Variants in FZD3 observed in about 807,000 individuals in gnomAD.
FZD3 encodes frizzled-3.
A neutral mutation model predicts 60.7 loss-of-function variants in FZD3; 30 were observed. That is an observed-to-expected ratio of 0.49 (90% CI 0.37 to 0.67). The LOEUF (loss-of-function observed/expected upper bound fraction) is 0.67, where lower values mean the gene tolerates loss of function less well. Among genes scored for constraint, FZD3 ranks in the 30% least tolerant of loss-of-function variants. FZD3 has a pLI of 0.00. For synonymous variants in FZD3, 246 were observed against 275.2 expected, an observed-to-expected ratio of 0.89 and a Z score of 1.05; for missense variants, 605 against 838.7, an observed-to-expected ratio of 0.72 and a Z score of 3.44.
At chr8:28,524,126 A>T (rs572735470) in intron 4 of FZD3, among the ~76,000 whole-genome samples, 1 of 152,298 alleles carries the variant, frequency 6.6e-6, no homozygotes, top group East Asian at 1.9e-4. Context: ...TCATAGCAGC[A>T]CAAAATGGAC....
chr8:28,521,610 C>T (rs1317585840), intron 4 of FZD3, among the ~76,000 whole-genome samples: 1 of 151,978 alleles, frequency 6.6e-6, no homozygotes, highest in East Asian at 1.9e-4. Context: ...ATCTTCTTTC[C>T]CCCCAAGGAG....
Position 28,532,230 on chromosome 8 carries a change from T to C in FZD3, c.1404+4066T>C, listed in dbSNP as rs116603973. Among the ~76,000 whole-genome samples, 519 of 152,310 alleles carry C rather than the reference T, an allele frequency of 3.4e-3. 2 individuals are homozygous for C. Among genetic ancestry groups the C allele is most frequent in the African/African-American group, 0.012 (500 of 41,568 alleles). On this transcript the variant is annotated intron_variant, in intron 5 of 7. Transcript: ENST00000240093. ...TCTTCAAAACTATTTTAGCTATTCT[T>C]GGTACTTTGCTCTTCTGTATGAATT...
At chr8:28,559,373 T>C (rs1741494911) in intron 7 of FZD3, among the ~76,000 whole-genome samples, 1 of 152,234 alleles carries the variant, frequency 6.6e-6, no homozygotes, top group African/African-American at 2.4e-5. Flanking sequence ...TCATTCTTTT[T>C]GTTACTATCT....
At chr8:28,510,092 A>G (rs1804244713) in intron 3 of FZD3, among the ~76,000 whole-genome samples, 1 of 147,450 alleles carries the variant, frequency 6.8e-6, no homozygotes, top group Non-Finnish European at 1.5e-5. Flanking sequence ...GGCTAACACT[A>G]GGTATTTTCT....
rs1345818071 is a variant in FZD3 at position 28,571,039 on chromosome 8, A to G, written c.*8028A>G. 3.3e-5 allele frequency: 5 copies of G among 151,928 alleles called. No individual in the cohort carries two copies. The highest frequency in any genetic ancestry group is 4.8e-5 in the African/African-American group (2 of 41,382). The allele number at this position is 151,928 out of a possible 1,614,324, so 9.4% of individuals were successfully genotyped here. A position where few individuals can be genotyped will look rare whatever the true frequency, so the allele number is the denominator to read the frequency against. ...TTCGATTGCCTACCAAAAAAAAAAA[A>G]AAAAGAAAAGGTTTGTTTTTAGTTC... On this transcript the variant is annotated 3_prime_UTR_variant, in exon 8 of 8. Transcript: ENST00000240093.
intron 3 of FZD3, among the ~76,000 whole-genome samples, chr8:28,514,530 T>C (rs1406288362): frequency 1.3e-5 from 2 of 152,200 alleles, no homozygotes; most frequent in African/African-American, 4.8e-5. Context: ...TGTGCTGCTT[T>C]GTAGTCACCC....
chr8:28,515,109 TAATG>T (rs1804389526), intron 3 of FZD3, among the ~76,000 whole-genome samples: 1 of 152,240 alleles, frequency 6.6e-6, no homozygotes, highest in African/African-American at 2.4e-5. Flanking sequence ...GAGTTCATAA[TAATG>T]GTACTTACCT....
chr8:28,559,485 C>CAT (rs140387684), intron 7 of FZD3, among the ~76,000 whole-genome samples: 36 of 151,196 alleles, frequency 2.4e-4, no homozygotes, highest in South Asian at 6.2e-4. Context: ...CAGTACTAGG[C>CAT]ATATATATAT....
rs1805645177 is a variant in FZD3, at chr8:28,563,109, C to T, written c.*98C>T. On this transcript the variant is annotated 3_prime_UTR_variant, in exon 8 of 8. Coordinates refer to ENST00000240093, the MANE Select transcript of FZD3 (RefSeq NM_017412.4). ...ATAGCTGTAACTCACAGTTAACATG[C>T]TTTCAGTCAAGTACAGATTGTGTCC... 1.3e-6 allele frequency: 1 copy of T among 797,206 alleles called. No homozygotes were observed. The allele number at this position is 797,206 out of a possible 1,614,324, so 49.4% of individuals were successfully genotyped here. A position where few individuals can be genotyped will look rare whatever the true frequency, so the allele number is the denominator to read the frequency against.
intron 5 of FZD3, among the ~76,000 whole-genome samples, chr8:28,530,237 G>A: frequency 6.6e-6 from 1 of 151,940 alleles, no homozygotes; most frequent in East Asian, 1.9e-4. Flanking sequence ...ACTGTAAGCT[G>A]GAGTAGGAGT....
rs184053674 is a variant in FZD3, at chr8:28,568,504, T to C, written c.*5493T>C. The C allele has an allele frequency of 6.6e-6, 1 of 152,232 alleles. No homozygotes were observed. Among genetic ancestry groups the C allele is most frequent in the East Asian group, 1.9e-4 (1 of 5,184 alleles). 9.4% of individuals were successfully genotyped at this position (152,232 alleles called of 1,614,324 possible). On this transcript the variant is annotated 3_prime_UTR_variant, in exon 8 of 8. Coordinates refer to ENST00000240093, the MANE Select transcript of FZD3 (RefSeq NM_017412.4). ...TGCTTCTTTAGTCATCAAATTGATA[T>C]AGGATTACAATTTTCTCTCAGGATC...
At chr8:28,531,237 G>A (rs1424875949) in intron 5 of FZD3, among the ~76,000 whole-genome samples, 2 of 151,738 alleles carry the variant, frequency 1.3e-5, no homozygotes, top group Non-Finnish European at 2.9e-5. Flanking sequence ...AAAATTTGCT[G>A]TTATGCAAGT....
In FZD3 at chr8:28,566,153, C is replaced by T. The variant is rs1368226688; in HGVS notation, c.*3142C>T. ...ACTTGCTTTTACCCTAGTACTGAGT[C>T]TCACATCAAAGAAATTTGAAAGATC... On this transcript the variant is annotated 3_prime_UTR_variant, in exon 8 of 8. Transcript: ENST00000240093. 3 of 152,126 alleles carry T rather than the reference C, an allele frequency of 2.0e-5. No individual in the cohort carries two copies. The highest frequency in any genetic ancestry group is 4.4e-5 in the Non-Finnish European group (3 of 67,994). 9.4% of individuals were successfully genotyped at this position (152,126 alleles called of 1,614,324 possible). A position where few individuals can be genotyped will look rare whatever the true frequency, so the allele number is the denominator to read the frequency against.
intron 1 of FZD3, 21 bp downstream of exon 1, chr8:28,494,364 G>A (rs1585931958): frequency 6.6e-6 from 1 of 152,160 alleles, no homozygotes; most frequent in Non-Finnish European, 1.5e-5. Flanking sequence ...CGAAGCGTGT[G>A]GGCCCCTGGG....
At chr8:28,555,216 T>C (rs1422154335) in intron 6 of FZD3, among the ~76,000 whole-genome samples, 1 of 152,214 alleles carries the variant, frequency 6.6e-6, no homozygotes, top group East Asian at 1.9e-4. Context: ...AATTAACTCG[T>C]AGACTAAAAC....
intron 1 of FZD3, among the ~76,000 whole-genome samples, chr8:28,495,815 A>C (rs889569708): frequency 1.3e-5 from 2 of 152,184 alleles, no homozygotes; most frequent in African/African-American, 4.8e-5. Flanking sequence ...TGAAGATAAA[A>C]TATAACTAAG....
At chr8:28,513,831 T>A (rs1012172557) in intron 3 of FZD3, among the ~76,000 whole-genome samples, 1 of 152,192 alleles carries the variant, frequency 6.6e-6, no homozygotes, top group African/African-American at 2.4e-5. Flanking sequence ...GTGACAAAGG[T>A]TGGAATTCTG....
At chr8:28,512,506 C>CT (rs1357044265) in intron 3 of FZD3, among the ~76,000 whole-genome samples, 3 of 151,554 alleles carry the variant, frequency 2.0e-5, no homozygotes, top group Non-Finnish European at 4.4e-5. Context: ...TTTAATTATA[C>CT]TTTAAGTTCT....
At chr8:28,504,809 A>C (rs1011359881) in intron 3 of FZD3, among the ~76,000 whole-genome samples, 1 of 152,232 alleles carries the variant, frequency 6.6e-6, no homozygotes. Context: ...GTGAATTTGC[A>C]TCCCTCATTG....
Sources: allele counts gnomAD v4.1 joint callset (sites outside exome capture counted in the v4.1 genomes callset), GRCh38; gene constraint gnomAD v4.1.1; transcripts MANE v1.5; gene names NCBI Gene and HGNC (gene_info 2026-07-23, HGNC 2026-07-21).